Variants in COG5 observed in about 807,000 individuals in gnomAD.
COG5 encodes the protein conserved oligomeric Golgi complex subunit 5.
A neutral mutation model predicts 110.4 loss-of-function variants in COG5; 86 were observed. The observed-to-expected ratio is 0.78, with a 90% CI of 0.65 to 0.93. The LOEUF is 0.93. Ranked by LOEUF, COG5 falls within the 40% of genes least tolerant of loss-of-function variation. The pLI is 0.00. For missense variants in COG5, 1,077 were observed against 987.0 expected (o/e 1.09, Z -1.22); for synonymous variants, 360 against 334.6 (o/e 1.08, Z -0.83).
intron 6 of COG5, among the ~76,000 whole-genome samples, chr7:107,521,499 T>G (rs1800317141): frequency 6.6e-6 from 1 of 152,180 alleles, no homozygotes; most frequent in African/African-American, 2.4e-5. Flanking sequence ...TAGACTCTTC[T>G]CAAAAGACGA....
chr7:107,245,703 G>C (rs1159706234), intron 17 of COG5, among the ~76,000 whole-genome samples: 2 of 152,154 alleles, frequency 1.3e-5, no homozygotes, highest in African/African-American at 4.8e-5. Context: ...ACTGCTCAAA[G>C]AAATCAGAGA....
chr7:107,556,978 C>T (rs1803371183), intron 2 of COG5, among the ~76,000 whole-genome samples: 1 of 152,114 alleles, frequency 6.6e-6, no homozygotes, highest in Non-Finnish European at 1.5e-5. Context: ...GCCATGTTGG[C>T]CAGGCTGGTC....
intron 5 of COG5, among the ~76,000 whole-genome samples, chr7:107,540,824 A>C (rs984335800): frequency 6.6e-6 from 1 of 152,082 alleles, no homozygotes; most frequent in African/African-American, 2.4e-5. Context: ...CAACAAAAAC[A>C]AACCTAGAAA....
chr7:107,328,630 T>C (rs1419283661), intron 10 of COG5, among the ~76,000 whole-genome samples: 1 of 152,092 alleles, frequency 6.6e-6, no homozygotes, highest in African/African-American at 2.4e-5. Context: ...ACAGGGAAAA[T>C]GAATTAGTTA....
At chr7:107,338,634 C>A (rs1012827827) in intron 10 of COG5, among the ~76,000 whole-genome samples, 8 of 152,024 alleles carry the variant, frequency 5.3e-5, no homozygotes, top group African/African-American at 1.9e-4. Flanking sequence ...TACACTACAT[C>A]AAACTTGAAG....
chr7:107,474,361 G>A lies in COG5; in HGVS notation c.538+52876C>T. On this transcript the variant is annotated intron_variant, in intron 6 of 21. Transcript: ENST00000297135. The surrounding 1 kb of genome is among the most constrained non-coding windows in gnomAD (Gnocchi z 5.7). ...TGTGGGATGTATTCCTCTAACTATAGTTATCCTTCTGCTTTCACTGGAGAG... is the reference window on the plus strand; with the variant it reads ...TGTGGGATGTATTCCTCTAACTATAATTATCCTTCTGCTTTCACTGGAGAG... The A allele has an allele frequency of 1.2e-6, 2 of 1,612,654 alleles. No homozygotes were observed. The highest frequency in any genetic ancestry group is 8.5e-7 in the Non-Finnish European group (1 of 1,178,898).
At chr7:107,364,518 C>T (rs909401759) in intron 8 of COG5, among the ~76,000 whole-genome samples, 6 of 152,070 alleles carry the variant, frequency 3.9e-5, no homozygotes, top group Non-Finnish European at 7.4e-5. Flanking sequence ...ATAACACACA[C>T]AGGAATCTTT....
intron 15 of COG5, 51 bp downstream of exon 15, chr7:107,258,222 A>C (rs767318436): frequency 1.9e-6 from 2 of 1,076,940 alleles, no homozygotes; most frequent in Non-Finnish European, 2.9e-6. Context: ...TCCAAATTTG[A>C]GGCAAGAAGA....
chr7:107,252,187 T>C (rs1449590259), intron 16 of COG5, among the ~76,000 whole-genome samples: 1 of 152,036 alleles, frequency 6.6e-6, no homozygotes, highest in African/African-American at 2.4e-5. Context: ...TGCCAGTGAA[T>C]AGCCACTGCA....
chr7:107,278,255 TCTTC>T (rs1335639234), intron 14 of COG5, among the ~76,000 whole-genome samples: 3 of 152,020 alleles, frequency 2.0e-5, no homozygotes, highest in Non-Finnish European at 4.4e-5. Flanking sequence ...TTCCTTCCTT[TCTTC>T]CTTCGTTTCT....
At chr7:107,550,271 T>G (rs1802793722) in intron 3 of COG5, among the ~76,000 whole-genome samples, 1 of 152,260 alleles carries the variant, frequency 6.6e-6, no homozygotes, top group Admixed American at 6.5e-5. Flanking sequence ...TCTAATCCAA[T>G]GCACCATCAA....
intron 10 of COG5, among the ~76,000 whole-genome samples, chr7:107,344,577 T>G (rs1159277646): frequency 6.6e-6 from 1 of 152,178 alleles, no homozygotes. Flanking sequence ...CAGGCTGGAG[T>G]GCAATGGTGC....
chr7:107,465,067 C>A (rs1331565285), intron 6 of COG5, among the ~76,000 whole-genome samples: 2 of 152,112 alleles, frequency 1.3e-5, no homozygotes, highest in Non-Finnish European at 2.9e-5. Flanking sequence ...ATATTCAGGG[C>A]TTATGGGGAT....
chr7:107,243,507 A>G, intron 17 of COG5, among the ~76,000 whole-genome samples: 1 of 106,024 alleles, frequency 9.4e-6, no homozygotes, highest in Non-Finnish European at 2.0e-5. Flanking sequence ...GCGAGACTCC[A>G]TCTCAAAAAA....
intron 13 of COG5, among the ~76,000 whole-genome samples, chr7:107,282,483 A>T (rs968168365): frequency 6.6e-6 from 1 of 152,194 alleles, no homozygotes; most frequent in Non-Finnish European, 1.5e-5. Context: ...GTACGTTTGC[A>T]GCAAAAGATA....
At chr7:107,448,158 A>AAAT (rs1003590167) in intron 6 of COG5, among the ~76,000 whole-genome samples, 1 of 152,104 alleles carries the variant, frequency 6.6e-6, no homozygotes, top group Non-Finnish European at 1.5e-5. Context: ...TCTGTCTCAA[A>AAAT]AATAATAATA....
chr7:107,261,373 T>G (rs1803334438), intron 14 of COG5, among the ~76,000 whole-genome samples: 1 of 152,176 alleles, frequency 6.6e-6, no homozygotes, highest in South Asian at 2.1e-4. Flanking sequence ...TTTTCTGAAT[T>G]ATACATACAT....
At chr7:107,296,961 C>T (rs1806799978) in intron 12 of COG5, among the ~76,000 whole-genome samples, 1 of 152,178 alleles carries the variant, frequency 6.6e-6, no homozygotes, top group Non-Finnish European at 1.5e-5. Flanking sequence ...ATCACTTGAT[C>T]TGATGCTCAA....
intron 17 of COG5, among the ~76,000 whole-genome samples, chr7:107,246,670 G>T (rs1042556809): frequency 3.9e-5 from 6 of 152,268 alleles, no homozygotes; most frequent in Non-Finnish European, 7.4e-5. Context: ...ACCGCAATGA[G>T]ATACCATCTC....
Sources: allele counts gnomAD v4.1 joint callset (sites outside exome capture counted in the v4.1 genomes callset), GRCh38; gene constraint gnomAD v4.1.1; non-coding constraint Gnocchi (gnomAD v3.1); transcripts MANE v1.5; gene names NCBI Gene and HGNC (gene_info 2026-07-23, HGNC 2026-07-21).